Variants in COX10 observed in about 807,000 individuals in gnomAD.
The protein encoded by COX10 is cytochrome c oxidase assembly factor heme A:farnesyltransferase COX10.
COX10 carries 27 observed loss-of-function variants against 37.3 expected under a neutral mutation model. The observed-to-expected ratio is 0.72, with a 90% CI of 0.53 to 1.00. COX10 has a LOEUF of 1.00. COX10 is among the 50% of genes least tolerant of loss of function. The probability of loss-of-function intolerance (pLI) is 0.00; values close to 1 mark genes in which losing one functional copy is unlikely to be tolerated. For synonymous variants in COX10, 222 were observed against 229.1 expected (o/e 0.97, Z 0.28); for missense variants, 475 against 563.2 (o/e 0.84, Z 1.59).
At position 14,145,170 on chromosome 17, in the gene COX10, TG is replaced by T. The variant is rs556203903; in HGVS notation, c.625-14706del. ...AAGGCTGTGCCCTGTATTATAGGTG[TG>T]TGTGGAGGGGCAGGGAGGGGTGGGT... is the stretch of plus-strand genomic sequence containing the variant. On this transcript the variant is annotated intron_variant, in intron 4 of 6. Transcript: ENST00000261643. 1.6e-3 allele frequency among the ~76,000 whole-genome samples: 181 copies of T among 113,176 alleles called. 4 individuals are homozygous for T. The highest frequency in any genetic ancestry group is 2.2e-4 in the Non-Finnish European group (13 of 58,636). The allele number at this position is 113,176 out of a possible 152,430, so 74.2% of individuals were successfully genotyped here.
chr17:14,163,799 C>T (rs1192772436), intron 5 of COX10, among the ~76,000 whole-genome samples: 1 of 152,172 alleles, frequency 6.6e-6, no homozygotes, highest in Non-Finnish European at 1.5e-5. Flanking sequence ...CTGTAATAAT[C>T]TTTCATTTGT....
At position 14,108,772 on chromosome 17, in the gene COX10, G is replaced by GT. The variant is rs574618299; in HGVS notation, c.624+6531dup. ...TTTTAAACTCTGAAAGGAAAAACAG[G>GT]TAAAGATTTTTTTGTTTTCCCAGTG... On this transcript the variant is annotated intron_variant, in intron 4 of 6. Coordinates refer to ENST00000261643, the MANE Select transcript of COX10 (RefSeq NM_001303.4). 8.3e-3 allele frequency among the ~76,000 whole-genome samples: 1,258 copies of GT among 152,216 alleles called. 8 individuals are homozygous for GT. The highest frequency in any genetic ancestry group is 0.017 in the Middle Eastern group (5 of 294).
At chr17:14,118,199 G>A (rs1916154817) in intron 4 of COX10, among the ~76,000 whole-genome samples, 2 of 151,964 alleles carry the variant, frequency 1.3e-5, no homozygotes, top group Non-Finnish European at 2.9e-5. Context: ...CAACTTTTGG[G>A]GTGTGAAAAC....
chr17:14,086,703 G>T (rs1301800122), intron 3 of COX10, among the ~76,000 whole-genome samples: 1 of 151,992 alleles, frequency 6.6e-6, no homozygotes, highest in African/African-American at 2.4e-5. Context: ...TCATGTTTAT[G>T]CTAATTATTT....
intron 4 of COX10, among the ~76,000 whole-genome samples, chr17:14,129,110 T>A (rs891773884): frequency 6.6e-6 from 1 of 151,270 alleles, no homozygotes; most frequent in Non-Finnish European, 1.5e-5. Flanking sequence ...CCTCCCAAAG[T>A]GCTGGGATTA....
chr17:14,130,998 G>T (rs1449915317), intron 4 of COX10, among the ~76,000 whole-genome samples: 1 of 152,052 alleles, frequency 6.6e-6, no homozygotes, highest in Non-Finnish European at 1.5e-5. Flanking sequence ...CCAGGATAAG[G>T]CACCTAGTTC....
rs529106965 is a variant in COX10 at position 14,125,975 on chromosome 17, C to A, written c.624+23733C>A. On this transcript the variant is annotated intron_variant, in intron 4 of 6. Transcript: ENST00000261643. ...ATTAGGAGCCAAAGCCATCAGACAACCTCCATTAAAGTGTTTGCCACGGAG... is the reference window on the plus strand; with the variant it reads ...ATTAGGAGCCAAAGCCATCAGACAAACTCCATTAAAGTGTTTGCCACGGAG... Among the ~76,000 whole-genome samples the A allele has an allele frequency of 9.0e-4, 137 of 152,256 alleles. 1 individual carries two copies. The highest frequency in any genetic ancestry group is 1.8e-3 in the Non-Finnish European group (121 of 68,014).
intron 4 of COX10, among the ~76,000 whole-genome samples, chr17:14,151,976 A>G (rs983574255): frequency 6.6e-5 from 10 of 152,190 alleles, no homozygotes; most frequent in Admixed American, 2.0e-4. Flanking sequence ...GCATGTTACT[A>G]TACCATTTCC....
chr17:14,094,913 C>T (rs1915610908), intron 3 of COX10, among the ~76,000 whole-genome samples: 1 of 152,058 alleles, frequency 6.6e-6, no homozygotes, highest in Non-Finnish European at 1.5e-5. Flanking sequence ...GCCTGGAAGT[C>T]AAGTATAGTT....
chr17:14,114,992 T>C (rs1251539848), intron 4 of COX10, among the ~76,000 whole-genome samples: 1 of 152,136 alleles, frequency 6.6e-6, no homozygotes, highest in Admixed American at 6.6e-5. Context: ...TATATTTTTA[T>C]GCATCTGAAT....
rs377752474 is a variant in COX10 at position 14,135,098 on chromosome 17, T to C, written c.625-24779T>C. 8.6e-5 allele frequency among the ~76,000 whole-genome samples: 13 copies of C among 151,910 alleles called. No individual in the cohort carries two copies. The East Asian group carries it at 2.3e-3, about 27-fold the overall frequency. On this transcript the variant is annotated intron_variant, in intron 4 of 6. Coordinates refer to ENST00000261643, the MANE Select transcript of COX10 (RefSeq NM_001303.4). ...ATATGATGAGATGTCTGTTCTAGTG[T>C]AGGCATGAAGCTTCATACTATATAG...
intron 4 of COX10, among the ~76,000 whole-genome samples, chr17:14,115,287 G>T (rs1166231789): frequency 6.6e-6 from 1 of 152,156 alleles, no homozygotes; most frequent in Non-Finnish European, 1.5e-5. Flanking sequence ...TCTTGGAAAT[G>T]TATTAGTCAT....
intron 4 of COX10, among the ~76,000 whole-genome samples, chr17:14,122,746 G>A (rs1286446231): frequency 6.6e-6 from 1 of 152,120 alleles, no homozygotes; most frequent in Non-Finnish European, 1.5e-5. Flanking sequence ...TGTTAAACAC[G>A]AGGTGACTGG....
chr17:14,105,273 G>T (rs1915866262), intron 4 of COX10, among the ~76,000 whole-genome samples: 1 of 151,998 alleles, frequency 6.6e-6, no homozygotes, highest in Admixed American at 6.6e-5. Context: ...CCATTTTATG[G>T]ATATGCCTCA....
intron 4 of COX10, among the ~76,000 whole-genome samples, chr17:14,146,468 C>T (rs943078197): frequency 6.6e-6 from 1 of 152,114 alleles, no homozygotes; most frequent in African/African-American, 2.4e-5. Flanking sequence ...AACTAGACCC[C>T]TATCTCTTGC....
chr17:14,155,484 G>A (rs1905018313), intron 4 of COX10, among the ~76,000 whole-genome samples: 1 of 152,082 alleles, frequency 6.6e-6, no homozygotes, highest in African/African-American at 2.4e-5. Flanking sequence ...GGGAGGCCGA[G>A]TCAGATGGAT....
chr17:14,176,353 C>T (rs1905687956), intron 5 of COX10, among the ~76,000 whole-genome samples: 1 of 152,172 alleles, frequency 6.6e-6, no homozygotes, highest in South Asian at 2.1e-4. Context: ...TCAGTCAAAT[C>T]CTCACAGCCA....
intron 5 of COX10, among the ~76,000 whole-genome samples, chr17:14,172,720 G>A (rs996629656): frequency 2.0e-5 from 3 of 151,770 alleles, no homozygotes; most frequent in Admixed American, 6.6e-5. Flanking sequence ...TGGAATTACA[G>A]GTGCCAGTCG....
chr17:14,116,458 C>T (rs1482832582), intron 4 of COX10, among the ~76,000 whole-genome samples: 2 of 152,168 alleles, frequency 1.3e-5, no homozygotes, highest in Non-Finnish European at 2.9e-5. Context: ...TAGACTTACG[C>T]AGGACACCAC....
Sources: gnomAD v4.1 joint callset for allele counts (sites outside exome capture counted in the v4.1 genomes callset) on GRCh38, gnomAD v4.1.1 for gene constraint, MANE v1.5 for transcripts, NCBI Gene and HGNC (gene_info 2026-07-23, HGNC 2026-07-21) for gene names.